The following TNR variants were observed in gnomAD, a reference collection of about 807,000 sequenced individuals.
TNR encodes the protein tenascin R.
A neutral mutation model predicts 150.4 loss-of-function variants in TNR; 45 were observed. That is an observed-to-expected ratio of 0.30 (90% CI 0.24 to 0.38). The LOEUF (loss-of-function observed/expected upper bound fraction) is 0.38. Among genes scored for constraint, TNR ranks in the 10% least tolerant of loss-of-function variants. The pLI is 1.00. For missense variants in TNR, 1,544 were observed against 1,759.1 expected, an observed-to-expected ratio of 0.88 and a Z score of 2.19; for synonymous variants, 687 against 678.4, an observed-to-expected ratio of 1.01 and a Z score of -0.20.
chr1:175,378,659 A>G (rs1310068935), intron 9 of TNR, among the ~76,000 whole-genome samples: 1 of 152,224 alleles, frequency 6.6e-6, no homozygotes, highest in Non-Finnish European at 1.5e-5. Flanking sequence ...TGCCAGTCCT[A>G]TATAGCAGGA....
intron 1 of TNR, among the ~76,000 whole-genome samples, chr1:175,554,799 G>T (rs554110804): frequency 9.2e-5 from 14 of 152,290 alleles, no homozygotes; most frequent in African/African-American, 3.4e-4. Context: ...TGAAATCCAG[G>T]ATTCTCCCAC....
chr1:175,442,794 G>A (rs1241354654), intron 2 of TNR, among the ~76,000 whole-genome samples: 1 of 151,728 alleles, frequency 6.6e-6, no homozygotes, highest in East Asian at 1.9e-4. Context: ...TATCAGAAAG[G>A]TGCAAGTGAT....
intron 1 of TNR, among the ~76,000 whole-genome samples, chr1:175,638,621 T>C (rs550717568): frequency 6.6e-6 from 1 of 152,150 alleles, no homozygotes; most frequent in Non-Finnish European, 1.5e-5. Flanking sequence ...ACCAGAATCC[T>C]GGGGGAATGG....
intron 1 of TNR, among the ~76,000 whole-genome samples, chr1:175,660,269 A>T (rs1332512620): frequency 6.6e-6 from 1 of 151,900 alleles, no homozygotes; most frequent in Non-Finnish European, 1.5e-5. Context: ...CAAATCAATG[A>T]CTCTACCATT....
chr1:175,473,553 A>C (rs1486252692), intron 2 of TNR, among the ~76,000 whole-genome samples: 2 of 152,188 alleles, frequency 1.3e-5, no homozygotes, highest in African/African-American at 2.4e-5. Context: ...GTGACTTCTC[A>C]GCCATGTAGG....
intron 2 of TNR, among the ~76,000 whole-genome samples, chr1:175,477,682 T>G (rs559242378): frequency 6.6e-6 from 1 of 152,282 alleles, no homozygotes; most frequent in East Asian, 1.9e-4. Context: ...AGGGATTAAG[T>G]GGAGGATCTG....
intron 2 of TNR, among the ~76,000 whole-genome samples, chr1:175,476,401 G>A (rs1181496066): frequency 1.3e-5 from 2 of 152,116 alleles, no homozygotes; most frequent in African/African-American, 4.8e-5. Flanking sequence ...TTTTGCTTTT[G>A]GGAGGAACTT....
intron 2 of TNR, among the ~76,000 whole-genome samples, chr1:175,461,243 T>C (rs929297258): frequency 3.3e-5 from 5 of 152,204 alleles, no homozygotes; most frequent in African/African-American, 1.2e-4. Flanking sequence ...GACCTGCAGT[T>C]GGGGTTCATA....
intron 18 of TNR, among the ~76,000 whole-genome samples, chr1:175,338,294 A>T (rs1650343858): frequency 6.6e-6 from 1 of 152,242 alleles, no homozygotes; most frequent in Admixed American, 6.5e-5. Flanking sequence ...GTTCAGTTTA[A>T]GTTTAAGGAG....
chr1:175,510,357 T>C (rs1035457120), intron 2 of TNR, among the ~76,000 whole-genome samples: 2 of 138,246 alleles, frequency 1.4e-5, no homozygotes, highest in African/African-American at 5.3e-5. Flanking sequence ...TGAAGACCTT[T>C]GCCCAAAGCA....
intron 2 of TNR, among the ~76,000 whole-genome samples, chr1:175,517,207 A>G (rs1324971822): frequency 6.6e-6 from 1 of 152,162 alleles, no homozygotes; most frequent in Non-Finnish European, 1.5e-5. Flanking sequence ...CTCTTCTCAC[A>G]TATGCTTCAG....
chr1:175,619,811 A>T (rs1489591246), intron 1 of TNR, among the ~76,000 whole-genome samples: 1 of 152,244 alleles, frequency 6.6e-6, no homozygotes, highest in African/African-American at 2.4e-5. Flanking sequence ...GGAAAAAAGC[A>T]TAATACATAC....
intron 2 of TNR, among the ~76,000 whole-genome samples, chr1:175,491,078 A>G (rs1251255637): frequency 6.6e-6 from 1 of 152,368 alleles, no homozygotes; most frequent in East Asian, 1.9e-4. Flanking sequence ...AGGGACATAG[A>G]TGGAATTGGA....
chr1:175,361,319 A>G (rs1651576492), intron 14 of TNR, among the ~76,000 whole-genome samples: 1 of 152,178 alleles, frequency 6.6e-6, no homozygotes, highest in South Asian at 2.1e-4. Flanking sequence ...AATGGGAAAA[A>G]GGCTAATTTC....
rs1244132189 is a variant in TNR, at chr1:175,319,119, G to A, written c.*4238C>T. 2 of 152,160 alleles carry A rather than the reference G, an allele frequency of 1.3e-5. No individual in the cohort carries two copies. The highest frequency in any genetic ancestry group is 2.9e-5 in the Non-Finnish European group (2 of 68,040). 9.4% of individuals were successfully genotyped at this position (152,160 alleles called of 1,614,324 possible). On this transcript the variant is annotated 3_prime_UTR_variant, in exon 23 of 23. Transcript: ENST00000367674. ...TATTCTGGTGATAAGAAAGCAAGCA[G>A]TAGAATACCATATATCCTGGGCATG...
intron 2 of TNR, among the ~76,000 whole-genome samples, chr1:175,454,875 T>C (rs1431570191): frequency 1.3e-5 from 2 of 152,334 alleles, no homozygotes; most frequent in South Asian, 2.1e-4. Flanking sequence ...CTTTAAAGTA[T>C]GGCTACAAGT....
chr1:175,564,627 G>T (rs1173075904), intron 1 of TNR, among the ~76,000 whole-genome samples: 1 of 152,070 alleles, frequency 6.6e-6, no homozygotes, highest in Admixed American at 6.5e-5. Context: ...GGTTTGAAGG[G>T]GGGAGCTTAG....
At chr1:175,562,334 CA>C (rs1209700936) in intron 1 of TNR, among the ~76,000 whole-genome samples, 3 of 152,224 alleles carry the variant, frequency 2.0e-5, no homozygotes, top group African/African-American at 7.2e-5. Flanking sequence ...ATGCTCAACT[CA>C]GACACATTTA....
At chr1:175,529,696 G>A (rs1217869537) in intron 1 of TNR, among the ~76,000 whole-genome samples, 1 of 152,120 alleles carries the variant, frequency 6.6e-6, no homozygotes, top group Non-Finnish European at 1.5e-5. Flanking sequence ...CTATTTGGGG[G>A]GCAGATAGCT....
Sources: gnomAD v4.1 joint callset for allele counts (sites outside exome capture counted in the v4.1 genomes callset) on GRCh38, gnomAD v4.1.1 for gene constraint, MANE v1.5 for transcripts, NCBI Gene and HGNC (gene_info 2026-07-23, HGNC 2026-07-21) for gene names.